Variants in SPOCK1 observed in about 807,000 individuals in gnomAD.
SPOCK1 encodes SPARC (osteonectin), cwcv and kazal like domains proteoglycan 1.
In SPOCK1, 23 loss-of-function variants were observed where a neutral mutation model predicts 55.3. The ratio of observed to expected loss-of-function variants is 0.42; its 90% CI spans 0.30 to 0.59. The LOEUF is 0.59. Among genes scored for constraint, SPOCK1 ranks in the 20% least tolerant of loss-of-function variants. The pLI, the probability that SPOCK1 is intolerant of heterozygous loss-of-function variation, is 0.22. For missense variants in SPOCK1, 499 were observed against 552.5 expected (o/e 0.90, Z 0.97); for synonymous variants, 226 against 221.0 (o/e 1.02, Z -0.20).
chr5:137,212,279 TTGAG>T (rs1477326731), intron 3 of SPOCK1, among the ~76,000 whole-genome samples: 1 of 152,062 alleles, frequency 6.6e-6, no homozygotes, highest in Non-Finnish European at 1.5e-5. Flanking sequence ...TTATTCTGTA[TTGAG>T]TGTGTTGAGT....
chr5:137,039,968 A>G (rs1468227114), intron 6 of SPOCK1, among the ~76,000 whole-genome samples: 1 of 152,204 alleles, frequency 6.6e-6, no homozygotes, highest in Non-Finnish European at 1.5e-5. Flanking sequence ...TAATAACAGA[A>G]CCGGCTGCTG....
chr5:137,346,150 T>G (rs1359484149), intron 2 of SPOCK1, among the ~76,000 whole-genome samples: 2 of 152,120 alleles, frequency 1.3e-5, no homozygotes, highest in Admixed American at 1.3e-4. Context: ...CTCTCCTTTC[T>G]CCTGCATCAG....
intron 10 of SPOCK1, 135 bp downstream of exon 10, chr5:136,979,197 G>T (rs1306457730): frequency 8.5e-6 from 11 of 1,297,432 alleles, no homozygotes; most frequent in Non-Finnish European, 1.1e-5. Flanking sequence ...GTGATTTCAG[G>T]GTTACTATGC....
At chr5:137,219,255 G>A (rs1240991046) in intron 3 of SPOCK1, among the ~76,000 whole-genome samples, 1 of 152,200 alleles carries the variant, frequency 6.6e-6, no homozygotes, top group Non-Finnish European at 1.5e-5. Context: ...AGAGTGGTAA[G>A]TAAGCAGGAT....
At chr5:137,390,056 G>A (rs1010997605) in intron 2 of SPOCK1, among the ~76,000 whole-genome samples, 1 of 152,056 alleles carries the variant, frequency 6.6e-6, no homozygotes, top group African/African-American at 2.4e-5. Context: ...TTCTTGCTCT[G>A]ACATAAAAAT....
At chr5:137,186,021 C>T (rs978683049) in intron 3 of SPOCK1, among the ~76,000 whole-genome samples, 2 of 152,158 alleles carry the variant, frequency 1.3e-5, no homozygotes, top group African/African-American at 4.8e-5. Flanking sequence ...TTTATCTGTG[C>T]CACAGAATAG....
At chr5:137,095,432 G>C (rs1436907094) in intron 5 of SPOCK1, among the ~76,000 whole-genome samples, 1 of 152,136 alleles carries the variant, frequency 6.6e-6, no homozygotes, top group East Asian at 1.9e-4. Context: ...AAACTGTTTG[G>C]GCTCAGCTAA....
At chr5:137,262,891 G>T (rs1410363557) in intron 3 of SPOCK1, among the ~76,000 whole-genome samples, 4 of 152,206 alleles carry the variant, frequency 2.6e-5, no homozygotes, top group Admixed American at 2.0e-4. Flanking sequence ...ATGACTTGCT[G>T]ATCACTTGTC....
chr5:137,297,454 T>A (rs941183669), intron 2 of SPOCK1, among the ~76,000 whole-genome samples: 10 of 152,220 alleles, frequency 6.6e-5, no homozygotes, highest in African/African-American at 2.4e-4. Flanking sequence ...AAAAAAAACT[T>A]AAGGGTAGCT....
chr5:137,202,629 T>C (rs1435786337), intron 3 of SPOCK1, among the ~76,000 whole-genome samples: 3 of 152,238 alleles, frequency 2.0e-5, no homozygotes, highest in African/African-American at 7.2e-5. Flanking sequence ...TCAAAAGTCA[T>C]TTCCTCAGTT....
At chr5:137,387,614 T>C (rs924835843) in intron 2 of SPOCK1, among the ~76,000 whole-genome samples, 11 of 152,198 alleles carry the variant, frequency 7.2e-5, no homozygotes, top group African/African-American at 2.7e-4. Flanking sequence ...ACTATTAATA[T>C]AATGATGTAT....
At chr5:137,498,616 G>A (rs1401639626) in intron 1 of SPOCK1, 58 bp from the exon 2 acceptor site, 5 of 1,238,800 alleles carry the variant, frequency 4.0e-6, no homozygotes, top group Non-Finnish European at 5.0e-6. Flanking sequence ...GCGAGCCCCG[G>A]GCACCCAGGC....
rs779189907 is a variant in SPOCK1 at position 136,985,211 on chromosome 5, T to C, written c.929-9A>G. 1 of 1,613,928 alleles carries C rather than the reference T, an allele frequency of 6.2e-7. No individual in the cohort carries two copies. Among genetic ancestry groups the C allele is most frequent in the Non-Finnish European group, 8.5e-7 (1 of 1,179,836 alleles). On this transcript the variant is annotated splice_polypyrimidine_tract_variant and intron_variant, in intron 8 of 10. Transcript: ENST00000394945. Reference sequence around the variant, plus strand: ...ATTCTGGCAAGGGAGACCTAAAAAATAATTTCTGAAAGTCAGCTTCCAGAT... The same window carrying C: ...ATTCTGGCAAGGGAGACCTAAAAAACAATTTCTGAAAGTCAGCTTCCAGAT...
At chr5:137,350,777 G>A (rs1750660056) in intron 2 of SPOCK1, among the ~76,000 whole-genome samples, 1 of 152,018 alleles carries the variant, frequency 6.6e-6, no homozygotes, top group African/African-American at 2.4e-5. Context: ...TCAAAAAGCA[G>A]GAAGGAATCA....
At chr5:137,076,958 C>G (rs1337302092) in intron 5 of SPOCK1, among the ~76,000 whole-genome samples, 2 of 152,068 alleles carry the variant, frequency 1.3e-5, no homozygotes, top group Non-Finnish European at 1.5e-5. Context: ...GAGTCTCGCT[C>G]TGTTGCCCAG....
At chr5:137,391,013 G>A (rs749630112) in intron 2 of SPOCK1, among the ~76,000 whole-genome samples, 15 of 152,124 alleles carry the variant, frequency 9.9e-5, no homozygotes, top group Non-Finnish European at 1.9e-4. Context: ...TAGGTTTTAA[G>A]CCCTGCATGC....
At chr5:137,018,861 A>G (rs993918761) in intron 6 of SPOCK1, among the ~76,000 whole-genome samples, 1 of 152,218 alleles carries the variant, frequency 6.6e-6, no homozygotes. Context: ...GGAAAAAGGC[A>G]GAGTCAATAT....
intron 7 of SPOCK1, among the ~76,000 whole-genome samples, chr5:136,990,651 C>CA (rs1446037120): frequency 1.3e-5 from 2 of 150,272 alleles, no homozygotes; most frequent in African/African-American, 4.9e-5. Context: ...TGCTGTCCCT[C>CA]AGGGGCTGCT....
intron 4 of SPOCK1, among the ~76,000 whole-genome samples, chr5:137,118,940 G>A (rs570931577): frequency 6.6e-5 from 10 of 152,306 alleles, no homozygotes; most frequent in African/African-American, 2.2e-4. Flanking sequence ...ACTACATGCC[G>A]GTCTAATTGC....
Sources: allele counts gnomAD v4.1 joint callset (sites outside exome capture counted in the v4.1 genomes callset), GRCh38; gene constraint gnomAD v4.1.1; transcripts MANE v1.5; gene names NCBI Gene and HGNC (gene_info 2026-07-23, HGNC 2026-07-21).